GPHN: variants seen among roughly 807,000 people sequenced by gnomAD.
The protein encoded by GPHN is gephyrin.
In GPHN, 17 loss-of-function variants were observed where a neutral mutation model predicts 95.5. The ratio of observed to expected loss-of-function variants is 0.18; its 90% CI spans 0.12 to 0.27. The LOEUF (loss-of-function observed/expected upper bound fraction) is 0.27, where lower values mean the gene tolerates loss of function less well. Among genes scored for constraint, GPHN ranks in the 10% least tolerant of loss-of-function variants. GPHN has a pLI of 1.00. For missense variants in GPHN, 660 were observed against 978.1 expected, an observed-to-expected ratio of 0.67 and a Z score of 4.34; for synonymous variants, 320 against 322.5, an observed-to-expected ratio of 0.99 and a Z score of 0.08.
the GPHN span, among the ~76,000 whole-genome samples, chr14:67,445,735 C>T: frequency 1.3e-5 from 2 of 151,574 alleles, no homozygotes; most frequent in Non-Finnish European, 2.9e-5. Flanking sequence ...CAGATGAGTG[C>T]CACTACACCT....
At chr14:67,059,013 G>T in intron 11 of GPHN, 6 of 403,908 alleles carry the variant, frequency 1.5e-5, no homozygotes, top group East Asian at 3.7e-5. Flanking sequence ...ATTAAAAAAA[G>T]GAAAAAAAAA....
chr14:67,180,035 G>A (rs2083243866), intron 22 of GPHN, among the ~76,000 whole-genome samples: 1 of 152,168 alleles, frequency 6.6e-6, no homozygotes, highest in African/African-American at 2.4e-5. Context: ...ATCTTGAAAT[G>A]TGAGATGAAA....
At chr14:66,638,101 T>C (rs1212175945) in intron 1 of GPHN, among the ~76,000 whole-genome samples, 1 of 152,180 alleles carries the variant, frequency 6.6e-6, no homozygotes, top group African/African-American at 2.4e-5. Flanking sequence ...GTTCTTGTAT[T>C]TCCTCCATCT....
chr14:67,132,865 A>T (rs1200821376), intron 17 of GPHN, among the ~76,000 whole-genome samples: 1 of 150,942 alleles, frequency 6.6e-6, no homozygotes, highest in Non-Finnish European at 1.5e-5. Flanking sequence ...ATATATAAAT[A>T]TATGATATAT....
chr14:66,984,842 C>A (rs1287841382), intron 9 of GPHN, among the ~76,000 whole-genome samples: 2 of 151,818 alleles, frequency 1.3e-5, no homozygotes, highest in African/African-American at 4.8e-5. Context: ...TTGCTCTTCA[C>A]CCTGCCGTTT....
intron 2 of GPHN, among the ~76,000 whole-genome samples, chr14:66,720,158 A>G (rs994672296): frequency 6.6e-6 from 1 of 152,212 alleles, no homozygotes; most frequent in Admixed American, 6.5e-5. Flanking sequence ...GGGAAATAAA[A>G]GGTAGATAAA....
intron 17 of GPHN, among the ~76,000 whole-genome samples, chr14:67,137,580 A>G (rs1750757077): frequency 6.6e-6 from 1 of 152,152 alleles, no homozygotes; most frequent in African/African-American, 2.4e-5. Flanking sequence ...CCTGGGCAAC[A>G]TGGTGAAACC....
chr14:67,006,244 C>G (rs553967344), intron 9 of GPHN, among the ~76,000 whole-genome samples: 1 of 152,132 alleles, frequency 6.6e-6, no homozygotes, highest in East Asian at 1.9e-4. Flanking sequence ...TTCATGTGGT[C>G]TTTTTATAGC....
intron 8 of GPHN, among the ~76,000 whole-genome samples, chr14:66,937,403 A>G (rs2067186074): frequency 6.8e-6 from 1 of 147,808 alleles, no homozygotes; most frequent in African/African-American, 2.5e-5. Context: ...TTTTTTTGAG[A>G]CTGAGTCTCC....
chr14:67,159,377 A>G (rs766926137), intron 18 of GPHN, 38 bp from the exon 19 acceptor site: 1 of 1,157,642 alleles, frequency 8.6e-7, no homozygotes, highest in Non-Finnish European at 1.3e-6. Flanking sequence ...TAATATTAAA[A>G]TGTTTGAAAG....
chr14:67,206,354 G>A, the GPHN span, among the ~76,000 whole-genome samples: 2 of 151,990 alleles, frequency 1.3e-5, no homozygotes, highest in East Asian at 1.9e-4. Context: ...AAAATTAGCC[G>A]GTGTGGTAGT....
chr14:67,395,548 C>T, the GPHN span: 1 of 1,614,168 alleles, frequency 6.2e-7, no homozygotes, highest in Non-Finnish European at 8.5e-7. Flanking sequence ...CCAGGAAGTA[C>T]TCCGTGGATG....
intron 1 of GPHN, among the ~76,000 whole-genome samples, chr14:66,591,468 C>T (rs895703755): frequency 6.6e-6 from 1 of 152,150 alleles, no homozygotes. Context: ...TCTCAGGATA[C>T]AAAATCAATG....
chr14:67,177,757 G>T (rs918117912), intron 21 of GPHN, among the ~76,000 whole-genome samples: 4 of 152,020 alleles, frequency 2.6e-5, no homozygotes, highest in Admixed American at 2.6e-4. Flanking sequence ...TGAATCTGGG[G>T]GCTCCTGTAT....
chr14:67,217,094 A>C, the GPHN span, among the ~76,000 whole-genome samples: 12 of 152,236 alleles, frequency 7.9e-5, no homozygotes, highest in South Asian at 2.5e-3. Context: ...GCTCCAGTGT[A>C]CATGTATATT....
chr14:67,394,834 G>A, the GPHN span, among the ~76,000 whole-genome samples: 2 of 152,178 alleles, frequency 1.3e-5, no homozygotes, highest in Non-Finnish European at 2.9e-5. Flanking sequence ...GAATTATCAT[G>A]GGAATGGGAC....
chr14:66,771,822 G>A (rs1456423977), intron 2 of GPHN, among the ~76,000 whole-genome samples: 3 of 146,778 alleles, frequency 2.0e-5, no homozygotes, highest in South Asian at 2.1e-4. Context: ...GAGAATATGC[G>A]GTGTTTGGTT....
intron 1 of GPHN, among the ~76,000 whole-genome samples, chr14:66,611,532 C>T (rs570997812): frequency 6.6e-6 from 1 of 152,168 alleles, no homozygotes. Flanking sequence ...AAACATCATC[C>T]AAAACTGAAA....
the GPHN span, chr14:67,347,310 C>A: frequency 1.1e-6 from 1 of 934,790 alleles, no homozygotes; most frequent in East Asian, 2.5e-5. Flanking sequence ...AACTCAGGAA[C>A]CTCTCAACAT....
Sources: allele counts gnomAD v4.1 joint callset (sites outside exome capture counted in the v4.1 genomes callset), GRCh38; gene constraint gnomAD v4.1.1; transcripts MANE v1.5; gene names NCBI Gene and HGNC (gene_info 2026-07-23, HGNC 2026-07-21).